Variants in MAP4K2 observed in about 807,000 individuals in gnomAD.
MAP4K2 encodes the protein B lymphocyte serine/threonine protein kinase.
A neutral mutation model predicts 125.3 loss-of-function variants in MAP4K2; 85 were observed. The observed-to-expected ratio is 0.68, with a 90% CI of 0.57 to 0.81. The LOEUF is 0.81. Ranked by LOEUF, MAP4K2 falls within the 40% of genes least tolerant of loss-of-function variation. The probability of loss-of-function intolerance (pLI) is 0.00; values close to 1 mark genes in which losing one functional copy is unlikely to be tolerated. For synonymous variants in MAP4K2, 479 were observed against 445.1 expected, an observed-to-expected ratio of 1.08 and a Z score of -0.96; for missense variants, 923 against 1,056.4, an observed-to-expected ratio of 0.87 and a Z score of 1.75.
At chr11:64,793,478 G>A (rs1314755861) in intron 24 of MAP4K2, among the ~76,000 whole-genome samples, 1 of 152,142 alleles carries the variant, frequency 6.6e-6, no homozygotes, top group Non-Finnish European at 1.5e-5. Context: ...TTATCAGAGG[G>A]GCCGTTGCCT....
chr11:64,798,268 C>A (rs955791663), intron 15 of MAP4K2, among the ~76,000 whole-genome samples: 1 of 152,100 alleles, frequency 6.6e-6, no homozygotes, highest in Admixed American at 6.6e-5. Context: ...CGGGTTCAAG[C>A]GATTCTCCTG....
At chr11:64,801,949 C>G (rs1399891255) in intron 5 of MAP4K2, 117 bp downstream of exon 5, 22 of 1,207,518 alleles carry the variant, frequency 1.8e-5, no homozygotes, top group Non-Finnish European at 2.6e-5. Context: ...CCAGGACCTA[C>G]AGCCCCTCGG....
At position 64,802,647 on chromosome 11, in the gene MAP4K2, T is replaced by C; in HGVS notation, c.161A>G (p.Asp54Gly). The C allele has an allele frequency of 1.2e-6, 2 of 1,612,458 alleles. No homozygotes were observed. The highest frequency in any genetic ancestry group is 1.7e-4 in the Middle Eastern group (1 of 6,056). ...GATTTCCTGCTGGAGGGAGCTGATG[T>C]CGTCCCCTGGGAAGCACAAAGCATC... ...VKIVKLDPGD[D>G]ISSLQQEITI... is the part of the protein sequence containing the mutation. The change falls in exon 3 of 32, where the codon GAC (aspartate) becomes GGC (glycine). Residue 54 changes from aspartate to glycine, a missense_variant. Asp to Gly is a moderately conservative substitution (Grantham distance 94). Coordinates refer to ENST00000294066, the MANE Select transcript of MAP4K2 (RefSeq NM_004579.5).
At position 64,791,992 on chromosome 11, in the gene MAP4K2, C is replaced by T; in HGVS notation, c.2009G>A (p.Gly670Glu). ...ELPQVCVGAE[G>E]PEGPGCRVLF... is the part of the protein sequence containing the mutation. ...GACGCGGCAGCCGGGCCCCTCAGGCCCCTCGGCCCCAACACACACCTGCGG... is the reference window on the plus strand; with the variant it reads ...GACGCGGCAGCCGGGCCCCTCAGGCTCCTCGGCCCCAACACACACCTGCGG... Residue 670 changes from glycine (G) to glutamate (E), a missense_variant, in exon 27 of 32, where the codon GGG becomes GAG. Physicochemically the swap from Gly to Glu is moderately conservative, Grantham distance 98. Coordinates refer to ENST00000294066, the MANE Select transcript of MAP4K2 (RefSeq NM_004579.5). The T allele has an allele frequency of 1.2e-6, 2 of 1,602,104 alleles. No homozygotes were observed. The highest frequency in any genetic ancestry group is 1.3e-5 in the African/African-American group (1 of 74,864).
chr11:64,800,612 C>A, intron 10 of MAP4K2, 152 bp downstream of exon 10: 2 of 1,177,590 alleles, frequency 1.7e-6, no homozygotes, highest in South Asian at 1.5e-5. Context: ...GGTCTTCAAC[C>A]CACAGAAGGA....
Position 64,802,403 on chromosome 11 carries a change from G to A in MAP4K2, c.310+16C>T. 6.7e-7 allele frequency: 1 copy of A among 1,489,382 alleles called. No homozygotes were observed. The highest frequency in any genetic ancestry group is 8.9e-7 in the Non-Finnish European group (1 of 1,119,654). The allele number at this position is 1,489,382 out of a possible 1,614,324, so 92.3% of individuals were successfully genotyped here. A position where few individuals can be genotyped will look rare whatever the true frequency, so the allele number is the denominator to read the frequency against. On this transcript the variant is annotated intron_variant, in intron 4 of 31. Transcript: ENST00000294066. ...GGAAGGCTGGGGCCTGCTGGGGCCT[G>A]GAGCCCTGGCCTCACCATGGTAAAT...
chr11:64,791,996 C>T lies in MAP4K2; in HGVS notation c.2005G>A (p.Glu669Lys), dbSNP rs369761408. The change falls in exon 27 of 32, where the codon GAG (glutamate) becomes AAG (lysine). Residue 669 changes from glutamate (E) to lysine (K), a missense_variant. Coordinates refer to ENST00000294066, the MANE Select transcript of MAP4K2 (RefSeq NM_004579.5). ...CGGCAGCCGGGCCCCTCAGGCCCCT[C>T]GGCCCCAACACACACCTGCGGCAGC... ...KELPQVCVGA[E>K]GPEGPGCRVL... The T allele has an allele frequency of 1.7e-5, 27 of 1,601,394 alleles. No individual in the cohort carries two copies. The African/African-American group carries it at 2.3e-4, about 13-fold the overall frequency.
At position 64,785,250 on chromosome 11, in the gene MAP4K2, C is replaced by A. The variant is rs904553898; in HGVS notation, c.*4287G>T. ...AGCAGGAGGGTGGGCTTACCAAGGG[C>A]ATGGGAAACTTTCCAGAGTGAAGGG... On this transcript the variant is annotated 3_prime_UTR_variant, in exon 32 of 32. Transcript: ENST00000294066. 1 of 152,204 alleles carries A rather than the reference C, an allele frequency of 6.6e-6. No homozygotes were observed. The highest frequency in any genetic ancestry group is 1.5e-5 in the Non-Finnish European group (1 of 68,058). The allele number at this position is 152,204 out of a possible 1,614,324, so 9.4% of individuals were successfully genotyped here. A position where few individuals can be genotyped will look rare whatever the true frequency, so the allele number is the denominator to read the frequency against.
chr11:64,796,297 C>T lies in MAP4K2; in HGVS notation c.1727G>A (p.Arg576His), dbSNP rs1229719882. ...QQVPLSIPTNRLTQRIIPRRF... is the reference protein window; with the variant it reads ...QQVPLSIPTNHLTQRIIPRRF... ...CCTGGGGATGATGCGCTGGGTGAGG[C>T]GGTTGGTGGGGATGGAGAGGGGAAC... Residue 576 changes from arginine to histidine, a missense_variant, in exon 24 of 32, where the codon CGC becomes CAC. Coordinates refer to ENST00000294066, the MANE Select transcript of MAP4K2 (RefSeq NM_004579.5). 4.6e-6 allele frequency: 7 copies of T among 1,536,552 alleles called. No homozygotes were observed. Among genetic ancestry groups the T allele is most frequent in the African/African-American group, 1.4e-5 (1 of 72,490 alleles).
At chr11:64,790,129 T>C in intron 29 of MAP4K2, 59 bp downstream of exon 29, 1 of 1,598,184 alleles carries the variant, frequency 6.3e-7, no homozygotes, top group Non-Finnish European at 8.6e-7. Flanking sequence ...CCCAGGCCCC[T>C]GAGCAACAAC....
At position 64,790,280 on chromosome 11, in the gene MAP4K2, C is replaced by A. The variant is rs1336913198; in HGVS notation, c.2162-6G>T. On this transcript the variant is annotated splice_polypyrimidine_tract_variant and splice_region_variant and intron_variant, in intron 28 of 31. Transcript: ENST00000294066. Reference sequence around the variant, plus strand: ...GTTGACAATCCTCACACAGCCTGCACAGGGAAGGAATTGGTGAGTGGGGAC... The same window carrying A: ...GTTGACAATCCTCACACAGCCTGCAAAGGGAAGGAATTGGTGAGTGGGGAC... The A allele has an allele frequency of 1.9e-6, 3 of 1,614,034 alleles. No homozygotes were observed. In the African/African-American group the frequency reaches 4.0e-5, roughly 22 times the overall value.
chr11:64,800,144 G>T lies in MAP4K2; in HGVS notation c.880C>A (p.Leu294Met), dbSNP rs773339176. 6.2e-7 allele frequency: 1 copy of T among 1,612,258 alleles called. No individual in the cohort carries two copies. Among genetic ancestry groups the T allele is most frequent in the African/African-American group, 1.3e-5 (1 of 74,892 alleles). The change falls in exon 12 of 32, where the codon CTG becomes ATG. Residue 294 changes from leucine to methionine, a missense_variant. Coordinates refer to ENST00000294066, the MANE Select transcript of MAP4K2 (RefSeq NM_004579.5). ...CAGTCCTCAGGGGAGGGGGTCCCCA[G>T]ATGAGGGTCACTGGCTTTGTCCAGC... The part of the protein sequence containing the change: ...QLLDKASDPH[L>M]GTPSPEDCEL...
intron 24 of MAP4K2, among the ~76,000 whole-genome samples, chr11:64,795,760 A>T (rs1248277650): frequency 1.3e-5 from 2 of 152,114 alleles, no homozygotes; most frequent in Non-Finnish European, 2.9e-5. Flanking sequence ...TTTCAAACAC[A>T]TGGCCTCACA....
rs1215136744 is a variant in MAP4K2, at chr11:64,801,036, A to G, written c.531-5T>C. The G allele has an allele frequency of 1.2e-6, 2 of 1,613,838 alleles. No individual in the cohort carries two copies. Among genetic ancestry groups the G allele is most frequent in the South Asian group, 2.2e-5 (2 of 91,086 alleles). On this transcript the variant is annotated splice_region_variant and splice_polypyrimidine_tract_variant and intron_variant, in intron 8 of 31. Coordinates refer to ENST00000294066, the MANE Select transcript of MAP4K2 (RefSeq NM_004579.5). Reference sequence around the variant, plus strand: ...GCAGCCACCTCGGGAGCCATCCTAGAGGTGGGGTCACAGATGGGATGGCCG... The same window carrying G: ...GCAGCCACCTCGGGAGCCATCCTAGGGGTGGGGTCACAGATGGGATGGCCG...
At position 64,800,837 on chromosome 11, in the gene MAP4K2, C is replaced by G; in HGVS notation, c.663-11G>C. The G allele has an allele frequency of 6.2e-7, 1 of 1,613,004 alleles. No individual in the cohort carries two copies. Among genetic ancestry groups the G allele is most frequent in the African/African-American group, 1.3e-5 (1 of 75,018 alleles). ...ATGAGCATCAGGGCCCTGTGGAGGGCGCGAGGTCAGGGGCCACAGGCCGCA... is the reference window on the plus strand; with the variant it reads ...ATGAGCATCAGGGCCCTGTGGAGGGGGCGAGGTCAGGGGCCACAGGCCGCA... On this transcript the variant is annotated splice_polypyrimidine_tract_variant and intron_variant, in intron 9 of 31. Coordinates refer to ENST00000294066, the MANE Select transcript of MAP4K2 (RefSeq NM_004579.5).
chr11:64,800,702 G>A, intron 10 of MAP4K2, 62 bp downstream of exon 10: 3 of 1,550,028 alleles, frequency 1.9e-6, no homozygotes, highest in Non-Finnish European at 2.6e-6. Flanking sequence ...GTTGGCAGAG[G>A]CTGTTTGTCC....
At chr11:64,800,516 G>A (rs1191528540) in intron 10 of MAP4K2, 124 bp from the exon 11 acceptor site, 21 of 1,178,542 alleles carry the variant, frequency 1.8e-5, no homozygotes, top group Non-Finnish European at 2.2e-5. Context: ...AGCCAGCCGA[G>A]GCCAAGGGCC....
chr11:64,802,936 C>G lies in MAP4K2; in HGVS notation c.103G>C (p.Asp35His). 6.3e-7 allele frequency: 1 copy of G among 1,582,996 alleles called. No homozygotes were observed. Among genetic ancestry groups the G allele is most frequent in the Non-Finnish European group, 8.6e-7 (1 of 1,165,292 alleles). The change falls in exon 2 of 32, where the codon GAC (aspartate) becomes CAC (histidine). Residue 35 changes from aspartate (D) to histidine (H), a missense_variant. This residue lies in a region of MAP4K2 where 833 missense variants were observed against 911.4 expected (regional missense o/e 0.91). Coordinates refer to ENST00000294066, the MANE Select transcript of MAP4K2 (RefSeq NM_004579.5). The part of the protein sequence containing the change: ...GTYGDVYKAR[D>H]TVTSELAAVK... Reference sequence around the variant, plus strand: ...GCGGCCAGTTCGGACGTGACCGTGTCGCGGGCCTGCAGGGGCGGAGGGTGA... The same window carrying G: ...GCGGCCAGTTCGGACGTGACCGTGTGGCGGGCCTGCAGGGGCGGAGGGTGA...
chr11:64,801,896 G>A, intron 5 of MAP4K2, 139 bp from the exon 6 acceptor site: 1 of 1,146,088 alleles, frequency 8.7e-7, no homozygotes, highest in Non-Finnish European at 1.3e-6. Context: ...GAGCCAAGAG[G>A]GAAATGGACT....
Sources: allele counts gnomAD v4.1 joint callset (sites outside exome capture counted in the v4.1 genomes callset), GRCh38; gene constraint gnomAD v4.1.1; regional missense constraint gnomAD v4.1.1; transcripts MANE v1.5; gene names NCBI Gene and HGNC (gene_info 2026-07-23, HGNC 2026-07-21).